PPFIA1: variants seen among roughly 807,000 people sequenced by gnomAD.
PPFIA1 encodes the protein liprin-alpha-1.
PPFIA1 carries 25 observed loss-of-function variants against 149.9 expected under a neutral mutation model. The ratio of observed to expected loss-of-function variants is 0.17; its 90% CI spans 0.12 to 0.23. The LOEUF (loss-of-function observed/expected upper bound fraction) is 0.23. Ranked by LOEUF, PPFIA1 falls within the 10% of genes least tolerant of loss-of-function variation. The pLI is 1.00. For synonymous variants in PPFIA1, 549 were observed against 552.8 expected (o/e 0.99, Z 0.10); for missense variants, 1,362 against 1,506.5 (o/e 0.90, Z 1.59).
In PPFIA1 at chr11:70,354,382, C is replaced by T; in HGVS notation, c.2245C>T (p.Leu749Phe). 1 of 1,614,092 alleles carries T rather than the reference C, an allele frequency of 6.2e-7. No individual in the cohort carries two copies. The highest frequency in any genetic ancestry group is 8.5e-7 in the Non-Finnish European group (1 of 1,180,034). ...CTCCCCGCCTTCCTCCCCGAGAGCC[C>T]TTCGGTTAGACCGGCTGCACAAAGG... ...ETSPPSSPRALRLDRLHKGAL... is the reference protein window; with the variant it reads ...ETSPPSSPRAFRLDRLHKGAL... The change falls in exon 17 of 28, where the codon CTT (leucine) becomes TTT (phenylalanine). Residue 749 changes from leucine (L) to phenylalanine (F), a missense_variant. By Grantham distance (22) the Leu-to-Phe change is conservative (BLOSUM62 0). Coordinates refer to ENST00000253925, the MANE Select transcript of PPFIA1 (RefSeq NM_003626.5).
chr11:70,304,767 C>T (rs958073582), intron 2 of PPFIA1, among the ~76,000 whole-genome samples: 2 of 152,178 alleles, frequency 1.3e-5, no homozygotes, highest in African/African-American at 4.8e-5. Context: ...GAATTAGAGG[C>T]ACACAGCGGC....
chr11:70,343,784 A>G lies in PPFIA1; in HGVS notation c.1823A>G (p.Asp608Gly). ...ADVSDGEDDR[D>G]TLLSSVDLLS... is the part of the protein sequence containing the mutation. ...GTGTCTGATGGTGAAGATGACAGGG[A>G]CACTCTCCTCAGCTCAGTTGACCTG... Residue 608 changes from aspartate to glycine, a missense_variant, in exon 15 of 28, where the codon GAC (aspartate) becomes GGC (glycine). By Grantham distance (94) the Asp-to-Gly change is moderately conservative. Transcript: ENST00000253925. 1.2e-6 allele frequency: 2 copies of G among 1,614,160 alleles called. No individual in the cohort carries two copies. The highest frequency in any genetic ancestry group is 1.7e-6 in the Non-Finnish European group (2 of 1,180,034).
rs1217491565 is a variant in PPFIA1 at position 70,378,107 on chromosome 11, T to C, written c.3462T>C (p.Ala1154=). The change falls in exon 26 of 28, where the codon GCT becomes GCC. Residue 1154 remains alanine (A), a synonymous_variant. Transcript: ENST00000253925. Reference sequence around the variant, plus strand: ...CAAAGGACATTCGTGGCTTAGCTGCTGGGTCAGCAGAGACTCTCCCTGCAA... The same window carrying C: ...CAAAGGACATTCGTGGCTTAGCTGCCGGGTCAGCAGAGACTCTCCCTGCAA... ...FRPKDIRGLA[A]GSAETLPANF... The C allele has an allele frequency of 6.2e-7, 1 of 1,614,080 alleles. No homozygotes were observed. Among genetic ancestry groups the C allele is most frequent in the Non-Finnish European group, 8.5e-7 (1 of 1,180,042 alleles).
At chr11:70,365,242 TG>T in intron 21 of PPFIA1, 2 of 359,278 alleles carry the variant, frequency 5.6e-6, no homozygotes, top group Non-Finnish European at 1.1e-5. Context: ...GCATCTGAAC[TG>T]AAAAGTGAGA....
intron 23 of PPFIA1, chr11:70,373,918 A>G (rs988986930): frequency 6.6e-6 from 1 of 152,198 alleles, no homozygotes; most frequent in African/African-American, 2.4e-5. Context: ...TGGCAATGAA[A>G]TATGTCCATC....
chr11:70,354,604 CT>C, intron 17 of PPFIA1, 152 bp downstream of exon 17: 1 of 852,268 alleles, frequency 1.2e-6, no homozygotes, highest in Non-Finnish European at 1.7e-6. Flanking sequence ...ACTTAGAATG[CT>C]TACCACTGCT....
At chr11:70,365,449 C>T in intron 21 of PPFIA1, 1 of 456,698 alleles carries the variant, frequency 2.2e-6, no homozygotes, top group Non-Finnish European at 4.4e-6. Flanking sequence ...AGTCACGCCC[C>T]ACAGCCTGCA....
In PPFIA1 at chr11:70,356,153, C is replaced by T; in HGVS notation, c.2489-8C>T. 2 of 1,611,678 alleles carry T rather than the reference C, an allele frequency of 1.2e-6. No homozygotes were observed. The highest frequency in any genetic ancestry group is 1.7e-6 in the Non-Finnish European group (2 of 1,177,868). On this transcript the variant is annotated splice_region_variant and splice_polypyrimidine_tract_variant and intron_variant, in intron 18 of 27. Coordinates refer to ENST00000253925, the MANE Select transcript of PPFIA1 (RefSeq NM_003626.5). Reference sequence around the variant, plus strand: ...TTTTTACTTCTGGGCTGTTCTGCTTCCTCACAGCTGGTGTTTCCGAGACGG... The same window carrying T: ...TTTTTACTTCTGGGCTGTTCTGCTTTCTCACAGCTGGTGTTTCCGAGACGG...
intron 26 of PPFIA1, among the ~76,000 whole-genome samples, chr11:70,379,409 G>A (rs943742705): frequency 6.6e-6 from 1 of 151,612 alleles, no homozygotes; most frequent in Non-Finnish European, 1.5e-5. Flanking sequence ...AGTGAGCCGA[G>A]ATTGTGCCGC....
At chr11:70,286,531 G>A (rs1213375131) in intron 2 of PPFIA1, among the ~76,000 whole-genome samples, 1 of 152,074 alleles carries the variant, frequency 6.6e-6, no homozygotes, top group Non-Finnish European at 1.5e-5. Context: ...GATTACAGGC[G>A]TGAGCCACTG....
chr11:70,337,228 T>C, intron 11 of PPFIA1, 137 bp from the exon 12 acceptor site: 1 of 553,416 alleles, frequency 1.8e-6, no homozygotes, highest in South Asian at 2.9e-5. Flanking sequence ...ACCCTGGGAC[T>C]ACAGCAGTGC....
In PPFIA1 at chr11:70,362,140, C is replaced by T. The variant is rs765003842; in HGVS notation, c.2628C>T (p.Ala876=). The change falls in exon 20 of 28, where the codon GCC becomes GCT. Residue 876 remains alanine (A), a synonymous_variant. Transcript: ENST00000253925. Reference sequence around the variant, plus strand: ...CCCGGAGACAAGGTTTACCTTTTGCCCAATGGGACGGGCCAACGGTTGTGG... The same window carrying T: ...CCCGGAGACAAGGTTTACCTTTTGCTCAATGGGACGGGCCAACGGTTGTGG... ...EEARRQGLPF[A]QWDGPTVVVW... 5.6e-6 allele frequency: 9 copies of T among 1,614,070 alleles called. No homozygotes were observed. Among genetic ancestry groups the T allele is most frequent in the Non-Finnish European group, 8.5e-7 (1 of 1,180,034 alleles).
chr11:70,309,249 A>C (rs1208039952), intron 2 of PPFIA1, among the ~76,000 whole-genome samples: 1 of 151,912 alleles, frequency 6.6e-6, no homozygotes, highest in Non-Finnish European at 1.5e-5. Flanking sequence ...TGCCGACCGC[A>C]ACCTCCGCCT....
chr11:70,327,646 G>T (rs1047456852), intron 7 of PPFIA1: 4 of 152,318 alleles, frequency 2.6e-5, no homozygotes, highest in Non-Finnish European at 2.9e-5. Context: ...GGTGGCGGGC[G>T]CCTGTAGTCC....
chr11:70,374,880 C>T, intron 23 of PPFIA1, 38 bp from the exon 24 acceptor site: 3 of 1,592,990 alleles, frequency 1.9e-6, no homozygotes, highest in South Asian at 1.1e-5. Flanking sequence ...AGATGGCTTT[C>T]TGAAGCCACT....
chr11:70,364,523 T>C (rs1231717413), intron 21 of PPFIA1: 1 of 152,200 alleles, frequency 6.6e-6, no homozygotes, highest in African/African-American at 2.4e-5. Flanking sequence ...CAGCGCTGGA[T>C]TTAGGGCTCC....
At chr11:70,308,204 A>G (rs2053000452) in intron 2 of PPFIA1, among the ~76,000 whole-genome samples, 1 of 152,184 alleles carries the variant, frequency 6.6e-6, no homozygotes, top group Non-Finnish European at 1.5e-5. Context: ...ATGTGCCGCC[A>G]CGGCCAGCTA....
chr11:70,330,800 G>A (rs572353006), intron 8 of PPFIA1, among the ~76,000 whole-genome samples: 4 of 152,166 alleles, frequency 2.6e-5, no homozygotes, highest in Admixed American at 1.3e-4. Context: ...AGCCGGGCAT[G>A]GTGGCATGTG....
intron 5 of PPFIA1, 63 bp downstream of exon 5, chr11:70,325,637 A>G: frequency 1.5e-6 from 2 of 1,329,276 alleles, no homozygotes; most frequent in Non-Finnish European, 2.2e-6. Flanking sequence ...TTTAATTATT[A>G]AAAGCAGCAT....
Sources: gnomAD v4.1 joint callset for allele counts (sites outside exome capture counted in the v4.1 genomes callset) on GRCh38, gnomAD v4.1.1 for gene constraint, MANE v1.5 for transcripts, NCBI Gene and HGNC (gene_info 2026-07-23, HGNC 2026-07-21) for gene names.